Variants in CDKAL1 observed in about 807,000 individuals in gnomAD.
The protein encoded by CDKAL1 is threonylcarbamoyladenosine tRNA methylthiotransferase.
A neutral mutation model predicts 68.2 loss-of-function variants in CDKAL1; 32 were observed. The observed-to-expected ratio is 0.47, with a 90% CI of 0.35 to 0.63. The LOEUF (loss-of-function observed/expected upper bound fraction) is 0.63. CDKAL1 is among the 30% of genes least tolerant of loss of function. The probability of loss-of-function intolerance (pLI) is 0.00; values close to 1 mark genes in which losing one functional copy is unlikely to be tolerated. For synonymous variants in CDKAL1, 234 were observed against 244.3 expected (o/e 0.96, Z 0.39); for missense variants, 606 against 696.7 (o/e 0.87, Z 1.47).
intron 5 of CDKAL1, among the ~76,000 whole-genome samples, chr6:20,656,556 C>A (rs1456460430): frequency 6.6e-6 from 1 of 151,698 alleles, no homozygotes; most frequent in Non-Finnish European, 1.5e-5. Flanking sequence ...AAACAAGATA[C>A]AAAGATACTT....
intron 13 of CDKAL1, among the ~76,000 whole-genome samples, chr6:21,130,912 G>A (rs9986662): frequency 0.29 from 43,968 of 152,008 alleles, 6,854 homozygotes; most frequent in East Asian, 0.67. Context: ...GCTAGTGGTG[G>A]ATTTGGAATT....
Position 20,672,479 on chromosome 6 carries a change from C to T in CDKAL1, c.371+23102C>T, listed in dbSNP as rs1482918357. ...AAGCGATTCATGTGCCTCAGCCTCC[C>T]GAGTAGCTGGGATTACTATTAGCCA... On this transcript the variant is annotated intron_variant, in intron 5 of 15. Transcript: ENST00000274695. 8.6e-5 allele frequency among the ~76,000 whole-genome samples: 13 copies of T among 152,044 alleles called. No individual in the cohort carries two copies. In the South Asian group the frequency reaches 1.0e-3, roughly 12 times the overall value.
At chr6:20,964,643 G>A (rs1359543005) in intron 10 of CDKAL1, among the ~76,000 whole-genome samples, 1 of 152,104 alleles carries the variant, frequency 6.6e-6, no homozygotes, top group African/African-American at 2.4e-5. Flanking sequence ...ACTGGGGCCT[G>A]TCACTGGGGC....
chr6:20,903,598 TGAG>T (rs1359190578), intron 9 of CDKAL1, among the ~76,000 whole-genome samples: 2 of 152,224 alleles, frequency 1.3e-5, no homozygotes, highest in African/African-American at 4.8e-5. Flanking sequence ...ACACAGTGCC[TGAG>T]GAGAAAATTC....
At chr6:20,901,319 T>G (rs2150598514) in intron 9 of CDKAL1, among the ~76,000 whole-genome samples, 1 of 152,208 alleles carries the variant, frequency 6.6e-6, no homozygotes, top group Non-Finnish European at 1.5e-5. Context: ...AAATCTTCAG[T>G]GTATAGTTTA....
intron 9 of CDKAL1, among the ~76,000 whole-genome samples, chr6:20,946,633 T>A (rs1396794525): frequency 6.7e-6 from 1 of 149,480 alleles, no homozygotes; most frequent in Non-Finnish European, 1.5e-5. Context: ...GTTTCACTCT[T>A]GTTGCCCAGG....
chr6:20,950,060 GA>G (rs1458173867), intron 9 of CDKAL1, among the ~76,000 whole-genome samples: 1 of 152,144 alleles, frequency 6.6e-6, no homozygotes, highest in Non-Finnish European at 1.5e-5. Context: ...AAAGTGCTAG[GA>G]TGGCAGGCAC....
chr6:21,206,818 T>C (rs957395644), intron 15 of CDKAL1, among the ~76,000 whole-genome samples: 4 of 152,308 alleles, frequency 2.6e-5, no homozygotes, highest in East Asian at 1.9e-4. Context: ...GTAGACAAAG[T>C]GCACCATGCA....
chr6:20,589,782 T>C (rs766573200), intron 4 of CDKAL1, among the ~76,000 whole-genome samples: 1 of 152,230 alleles, frequency 6.6e-6, no homozygotes, highest in Non-Finnish European at 1.5e-5. Context: ...AGTGAAGTGC[T>C]AAAAATGATG....
chr6:21,209,265 C>G (rs554056897), intron 15 of CDKAL1, among the ~76,000 whole-genome samples: 1 of 152,280 alleles, frequency 6.6e-6, no homozygotes, highest in East Asian at 1.9e-4. Flanking sequence ...CCCCACCTCT[C>G]CATCCTTTGT....
intron 8 of CDKAL1, among the ~76,000 whole-genome samples, chr6:20,814,315 T>C (rs1294136225): frequency 6.6e-6 from 1 of 152,242 alleles, no homozygotes; most frequent in Admixed American, 6.5e-5. Context: ...AGTTGTTTAA[T>C]AGATTTATAA....
chr6:21,059,086 A>T (rs62404461), intron 11 of CDKAL1, among the ~76,000 whole-genome samples: 28,868 of 152,040 alleles, frequency 0.19, 2,857 homozygotes, highest in Middle Eastern at 0.24. Context: ...GAGATCAGAG[A>T]TTTCTCTGTA....
chr6:20,972,600 C>A (rs1420393509), intron 10 of CDKAL1, among the ~76,000 whole-genome samples: 1 of 152,236 alleles, frequency 6.6e-6, no homozygotes, highest in Non-Finnish European at 1.5e-5. Flanking sequence ...GAATGAACAG[C>A]CCATCTCTGT....
intron 5 of CDKAL1, among the ~76,000 whole-genome samples, chr6:20,721,977 C>G (rs931532816): frequency 1.3e-5 from 2 of 151,980 alleles, no homozygotes; most frequent in African/African-American, 4.8e-5. Flanking sequence ...ATGATCCTCC[C>G]CCCTTGGCCT....
chr6:20,724,544 C>T (rs4712536), intron 5 of CDKAL1, among the ~76,000 whole-genome samples: 64,887 of 151,610 alleles, frequency 0.43, 15,731 homozygotes, highest in Non-Finnish European at 0.55. Context: ...TGGTGAAACC[C>T]GTCTCTACTT....
At chr6:20,768,441 C>T (rs1224787031) in intron 7 of CDKAL1, among the ~76,000 whole-genome samples, 2 of 152,154 alleles carry the variant, frequency 1.3e-5, no homozygotes, top group East Asian at 1.9e-4. Context: ...GCCTTTATCT[C>T]GCACCCCGAT....
rs181271691 is a variant in CDKAL1 at position 20,634,162 on chromosome 6, T to G, written c.287-15131T>G. Among the ~76,000 whole-genome samples the G allele has an allele frequency of 2.0e-3, 306 of 152,278 alleles. 1 individual carries two copies. Among genetic ancestry groups the G allele is most frequent in the Non-Finnish European group, 2.1e-3 (145 of 68,012 alleles). ...GAATGGAAAGCAGATGTTTTGGCAG[T>G]TTGCTAGTGAGTGGTTTTCTCTTGG... On this transcript the variant is annotated intron_variant, in intron 4 of 15. Transcript: ENST00000274695.
chr6:20,979,673 C>A (rs1418853567), intron 10 of CDKAL1, among the ~76,000 whole-genome samples: 1 of 151,912 alleles, frequency 6.6e-6, no homozygotes, highest in African/African-American at 2.4e-5. Flanking sequence ...GAAGTCCAGA[C>A]TGCATTTCTT....
At chr6:21,012,947 C>T (rs530563791) in intron 11 of CDKAL1, among the ~76,000 whole-genome samples, 9 of 152,326 alleles carry the variant, frequency 5.9e-5, no homozygotes, top group African/African-American at 1.9e-4. Flanking sequence ...TGTTTCTTGT[C>T]AGTTCCATTA....
Sources: gnomAD v4.1 joint callset for allele counts (sites outside exome capture counted in the v4.1 genomes callset) on GRCh38, gnomAD v4.1.1 for gene constraint, MANE v1.5 for transcripts, NCBI Gene and HGNC (gene_info 2026-07-23, HGNC 2026-07-21) for gene names.